The following VAV1 variants were observed in gnomAD, a reference collection of about 807,000 sequenced individuals.
VAV1 encodes the protein vav guanine nucleotide exchange factor 1.
In VAV1, 33 loss-of-function variants were observed where a neutral mutation model predicts 128.1. That is an observed-to-expected ratio of 0.26 (90% CI 0.20 to 0.34). The LOEUF (loss-of-function observed/expected upper bound fraction) is 0.34, where lower values mean the gene tolerates loss of function less well. VAV1 is among the 10% of genes least tolerant of loss of function. The pLI, the probability that VAV1 is intolerant of heterozygous loss-of-function variation, is 1.00. For missense variants in VAV1, 715 were observed against 1,093.7 expected, an observed-to-expected ratio of 0.65 and a Z score of 4.88; for synonymous variants, 394 against 409.8, an observed-to-expected ratio of 0.96 and a Z score of 0.47.
At chr19:6,848,152 C>T (rs1380098181) in intron 23 of VAV1, 38 bp downstream of exon 23, 8 of 1,510,718 alleles carry the variant, frequency 5.3e-6, no homozygotes, top group South Asian at 2.7e-5. Flanking sequence ...CTTTTGGGGC[C>T]TGGGCCCTGC....
At chr19:6,837,104 G>T in intron 21 of VAV1, 54 bp downstream of exon 21, 1 of 1,586,402 alleles carries the variant, frequency 6.3e-7, no homozygotes, top group South Asian at 1.1e-5. Flanking sequence ...GGCGGGTCCT[G>T]GGAGGATGGA....
intron 1 of VAV1, among the ~76,000 whole-genome samples, chr19:6,782,889 A>C (rs1045911542): frequency 7.5e-5 from 10 of 132,720 alleles, no homozygotes; most frequent in Non-Finnish European, 1.2e-4. Flanking sequence ...TCTCGGAAGA[A>C]AAAAAAAAAA....
At chr19:6,848,655 G>A (rs771624229) in intron 23 of VAV1, among the ~76,000 whole-genome samples, 14 of 151,824 alleles carry the variant, frequency 9.2e-5, no homozygotes, top group East Asian at 5.8e-4. Context: ...CACCCGCCTC[G>A]GCCTCCCAAA....
chr19:6,788,687 CT>C (rs1332854331), intron 1 of VAV1, among the ~76,000 whole-genome samples: 3 of 151,942 alleles, frequency 2.0e-5, no homozygotes, highest in African/African-American at 7.3e-5. Context: ...GAACATGATT[CT>C]TTTTTTGTGG....
chr19:6,821,200 T>G (rs1345754495), intron 2 of VAV1, among the ~76,000 whole-genome samples: 5 of 151,964 alleles, frequency 3.3e-5, no homozygotes, highest in Non-Finnish European at 4.4e-5. Context: ...AGGAGATCGA[T>G]TCCACCCTGG....
intron 1 of VAV1, among the ~76,000 whole-genome samples, chr19:6,801,783 C>G (rs182184457): frequency 6.2e-4 from 94 of 152,298 alleles, no homozygotes; most frequent in Non-Finnish European, 7.4e-4. Context: ...TGTCCCTGCA[C>G]ACTGCTTCCC....
chr19:6,847,281 C>T (rs1241682430), intron 22 of VAV1, among the ~76,000 whole-genome samples: 2 of 152,118 alleles, frequency 1.3e-5, no homozygotes, highest in East Asian at 1.9e-4. Flanking sequence ...ATTCTCAGCA[C>T]CCCCAAGAGA....
chr19:6,806,317 C>A lies in VAV1; in HGVS notation c.205-14385C>A, dbSNP rs191114165. 3.9e-5 allele frequency among the ~76,000 whole-genome samples: 6 copies of A among 152,294 alleles called. No homozygotes were observed. The East Asian group carries it at 9.6e-4, about 24-fold the overall frequency. On this transcript the variant is annotated intron_variant, in intron 1 of 26. Coordinates refer to ENST00000602142, the MANE Select transcript of VAV1 (RefSeq NM_005428.4). Reference sequence around the variant, plus strand: ...GGTCTGGCTGGTCTCGAACTCCTGACCTTGTGATTCACCCGCCATGGGCTC... The same window carrying A: ...GGTCTGGCTGGTCTCGAACTCCTGAACTTGTGATTCACCCGCCATGGGCTC...
intron 19 of VAV1, 120 bp downstream of exon 19, chr19:6,834,073 A>C: frequency 1.3e-5 from 18 of 1,414,562 alleles, no homozygotes; most frequent in Non-Finnish European, 1.8e-5. Context: ...GCAATAGCTC[A>C]CACCTGTAAT....
chr19:6,810,297 T>C (rs989672957), intron 1 of VAV1, among the ~76,000 whole-genome samples: 2 of 151,804 alleles, frequency 1.3e-5, no homozygotes, highest in Non-Finnish European at 2.9e-5. Flanking sequence ...ACTACTGCAC[T>C]TCAGCCTGGG....
At chr19:6,831,468 C>G (rs554827371) in intron 14 of VAV1, among the ~76,000 whole-genome samples, 6 of 152,236 alleles carry the variant, frequency 3.9e-5, no homozygotes, top group African/African-American at 1.2e-4. Flanking sequence ...CCCGCCACCA[C>G]GCCCAGCTAA....
chr19:6,835,085 T>C (rs1972187952), intron 19 of VAV1, among the ~76,000 whole-genome samples: 1 of 152,066 alleles, frequency 6.6e-6, no homozygotes, highest in South Asian at 2.1e-4. Context: ...TGAATGGGTA[T>C]GTTTTCTTCT....
intron 21 of VAV1, among the ~76,000 whole-genome samples, chr19:6,838,974 C>G (rs1373706639): frequency 6.6e-6 from 1 of 152,022 alleles, no homozygotes; most frequent in Non-Finnish European, 1.5e-5. Context: ...GTGATCTCGG[C>G]TCATTGCAAC....
chr19:6,776,336 T>TCATCCATCCACTCATCTATC (rs1970632310), intron 1 of VAV1, among the ~76,000 whole-genome samples: 1 of 56,474 alleles, frequency 1.8e-5, no homozygotes, highest in African/African-American at 7.5e-5. Context: ...GCTCATCCAT[T>TCATCCATCCACTCATCTATC]CATCCATCCA....
At chr19:6,837,967 TG>T (rs759469226) in intron 21 of VAV1, among the ~76,000 whole-genome samples, 54 of 152,312 alleles carry the variant, frequency 3.5e-4, no homozygotes, top group Middle Eastern at 6.8e-3. Context: ...AAAATTTTTT[TG>T]TTCCTATGGT....
In VAV1 at chr19:6,822,581, A is replaced by G. The variant is rs1305453693; in HGVS notation, c.654+67A>G. 4.9e-6 allele frequency: 7 copies of G among 1,421,876 alleles called. No homozygotes were observed. Among genetic ancestry groups the G allele is most frequent in the Non-Finnish European group, 6.7e-6 (7 of 1,047,094 alleles). 88.1% of individuals were successfully genotyped at this position (1,421,876 alleles called of 1,614,324 possible). A position where few individuals can be genotyped will look rare whatever the true frequency, so the allele number is the denominator to read the frequency against. On this transcript the variant is annotated intron_variant, in intron 6 of 26. Coordinates refer to ENST00000602142, the MANE Select transcript of VAV1 (RefSeq NM_005428.4). This position sits in a 1 kb window ranked among gnomAD's most constrained non-coding sequence, Gnocchi z 5.9. ...GAGCTGGGCCGGCAGGTGCACGTCC[A>G]CCTGTCCGGCCGCTCTGGGCAGCTG...
At chr19:6,805,233 T>C (rs1390941135) in intron 1 of VAV1, among the ~76,000 whole-genome samples, 2 of 151,836 alleles carry the variant, frequency 1.3e-5, no homozygotes, top group African/African-American at 2.4e-5. Flanking sequence ...GAGACCAGCC[T>C]GGCCAACATG....
At chr19:6,809,169 C>T (rs1281479408) in intron 1 of VAV1, among the ~76,000 whole-genome samples, 1 of 151,484 alleles carries the variant, frequency 6.6e-6, no homozygotes, top group African/African-American at 2.4e-5. Context: ...CAACCTCAAA[C>T]TCCTGGACTC....
chr19:6,805,028 G>A (rs980797963), intron 1 of VAV1, among the ~76,000 whole-genome samples: 1 of 150,458 alleles, frequency 6.6e-6, no homozygotes, highest in East Asian at 2.0e-4. Flanking sequence ...ACCGCCCCCC[G>A]GCCCATACCT....
Sources: allele counts gnomAD v4.1 joint callset (sites outside exome capture counted in the v4.1 genomes callset), GRCh38; gene constraint gnomAD v4.1.1; non-coding constraint Gnocchi (gnomAD v3.1); transcripts MANE v1.5; gene names NCBI Gene and HGNC (gene_info 2026-07-23, HGNC 2026-07-21).